PELP1: variants seen among roughly 807,000 people sequenced by gnomAD.
PELP1 encodes the protein proline-, glutamic acid- and leucine-rich protein 1.
Under a neutral mutation model 95.5 loss-of-function variants are expected in PELP1, and 32 were observed. The observed-to-expected ratio is 0.34, with a 90% CI of 0.25 to 0.45. The LOEUF (loss-of-function observed/expected upper bound fraction) is 0.45, where lower values mean the gene tolerates loss of function less well. Among genes scored for constraint, PELP1 ranks in the 20% least tolerant of loss-of-function variants. The probability of loss-of-function intolerance (pLI) is 1.00; values close to 1 mark genes in which losing one functional copy is unlikely to be tolerated. For missense variants in PELP1, 1,358 were observed against 1,444.8 expected (o/e 0.94, Z 0.97); for synonymous variants, 668 against 600.1 (o/e 1.11, Z -1.65).
At position 4,675,582 on chromosome 17, in the gene PELP1, C is replaced by A. The variant is rs1372858787; in HGVS notation, c.1068+215G>T. 7.1e-6 allele frequency: 5 copies of A among 707,442 alleles called. No individual in the cohort carries two copies. The highest frequency in any genetic ancestry group is 2.3e-4 in the Middle Eastern group (1 of 4,368). 43.8% of individuals were successfully genotyped at this position (707,442 alleles called of 1,614,324 possible). On this transcript the variant is annotated intron_variant, in intron 9 of 16. Transcript: ENST00000572293. The surrounding 1 kb of genome is among the most constrained non-coding windows in gnomAD (Gnocchi z 4.3). ...CTCTCAGCAATGACTCAGCTGATCC[C>A]CAAATTCACCCTCCCCCAAGGAAGC... is the stretch of plus-strand genomic sequence containing the variant.
intron 3 of PELP1, 51 bp downstream of exon 3, chr17:4,690,837 G>A: frequency 1.8e-6 from 2 of 1,127,910 alleles, no homozygotes; most frequent in South Asian, 2.5e-5. Flanking sequence ...ATCCAAGATG[G>A]GGAATAAGAT....
At chr17:4,694,701 G>A (rs1203565848) in intron 1 of PELP1, among the ~76,000 whole-genome samples, 6 of 151,560 alleles carry the variant, frequency 4.0e-5, no homozygotes, top group African/African-American at 9.7e-5. Context: ...GGCCGGGCGC[G>A]GTGGCTTACG....
rs756687486 is a variant in PELP1, at chr17:4,703,896, T to C, written c.216A>G (p.Leu72=). 64 of 1,612,934 alleles carry C rather than the reference T, an allele frequency of 4.0e-5. No homozygotes were observed. The Admixed American group carries it at 7.8e-4, about 20-fold the overall frequency. Residue 72 remains leucine (L), a synonymous_variant, in exon 1 of 17, where the codon CTA becomes CTG. Transcript: ENST00000572293. The part of the protein sequence containing the change: ...SAPHLPGLMC[L]LRLHGSVGGA... ...CGCCCACCGACCCATGCAGCCGCAA[T>C]AGGCACATGAGCCCGGGCAAATGTG...
In PELP1 at chr17:4,672,415, T is replaced by A; in HGVS notation, c.2576A>T (p.Gln859Leu). ...ACCAGGAGTCCCTTCAGGGACCAAC[T>A]GGGGTGGAGGGAGCGTCACAGGACC... ...VPGPVTLPPP[Q>L]LVPEGTPGGG... Residue 859 changes from glutamine to leucine, a missense_variant, in exon 16 of 17, where the codon CAG becomes CTG. Physicochemically the swap from Gln to Leu is moderately radical, Grantham distance 113. This residue lies in a region of PELP1 where 340 missense variants were observed against 322.9 expected (regional missense o/e 1.05). Coordinates refer to ENST00000572293, the MANE Select transcript of PELP1 (RefSeq NM_014389.3). 6.4e-7 allele frequency: 1 copy of A among 1,559,842 alleles called. No individual in the cohort carries two copies. Among genetic ancestry groups the A allele is most frequent in the African/African-American group, 1.4e-5 (1 of 73,652 alleles).
At chr17:4,699,678 C>T (rs887845501) in intron 1 of PELP1, among the ~76,000 whole-genome samples, 2 of 151,772 alleles carry the variant, frequency 1.3e-5, no homozygotes, top group African/African-American at 4.8e-5. Flanking sequence ...TGTCTGCCTC[C>T]CAGGCTCAAG....
Position 4,671,031 on chromosome 17 carries a change from T to G in PELP1, c.*408A>C, listed in dbSNP as rs979141473. 4.7e-6 allele frequency: 1 copy of G among 213,622 alleles called. No homozygotes were observed. Among genetic ancestry groups the G allele is most frequent in the Admixed American group, 5.8e-5 (1 of 17,314 alleles). 13.2% of individuals were successfully genotyped at this position (213,622 alleles called of 1,614,324 possible). A position where few individuals can be genotyped will look rare whatever the true frequency, so the allele number is the denominator to read the frequency against. On this transcript the variant is annotated 3_prime_UTR_variant, in exon 17 of 17. Transcript: ENST00000572293. ...TTCAGACCAAGGGGCTGAGCACGCA[T>G]GCGTGTGGGCATGTGGGTGTTGACA...
Position 4,690,769 on chromosome 17 carries a change from T to C in PELP1, c.420+119A>G, listed in dbSNP as rs147520671. On this transcript the variant is annotated intron_variant, in intron 3 of 16. Transcript: ENST00000572293. ...GCTTATCCTCTCTGCTATCAGGGAA[T>C]TGTTTCCAATTATTCTGTCCCCAGA... The C allele has an allele frequency of 1.9e-3, 1,236 of 647,056 alleles. 2 individuals carry two copies. The highest frequency in any genetic ancestry group is 2.9e-3 in the Non-Finnish European group (1,047 of 364,412). 40.1% of individuals were successfully genotyped at this position (647,056 alleles called of 1,614,324 possible).
chr17:4,700,992 T>TAAAAAAAAAAAA (rs34278447), intron 1 of PELP1, among the ~76,000 whole-genome samples: 1 of 29,410 alleles, frequency 3.4e-5, no homozygotes, highest in East Asian at 1.4e-3. Flanking sequence ...AAAGTTCCAC[T>TAAAAAAAAAAAA]AAAAAAAAAA....
chr17:4,690,038 G>A (rs1434611289), intron 3 of PELP1, among the ~76,000 whole-genome samples: 1 of 151,958 alleles, frequency 6.6e-6, no homozygotes, highest in Non-Finnish European at 1.5e-5. Context: ...GAGAGACAGA[G>A]ACAGAGAGAG....
At chr17:4,693,739 C>T (rs754816697) in intron 1 of PELP1, among the ~76,000 whole-genome samples, 12 of 152,148 alleles carry the variant, frequency 7.9e-5, no homozygotes, top group Admixed American at 3.9e-4. Context: ...CCTCGAGAGT[C>T]CATCACGCTG....
intron 5 of PELP1, among the ~76,000 whole-genome samples, chr17:4,680,657 C>T (rs1172113272): frequency 6.6e-6 from 1 of 152,202 alleles, no homozygotes; most frequent in Non-Finnish European, 1.5e-5. Flanking sequence ...CAGTTAACTC[C>T]ACCAGTTAAA....
intron 1 of PELP1, chr17:4,696,881 AC>A (rs1300749881): frequency 2.0e-5 from 3 of 152,268 alleles, no homozygotes; most frequent in Non-Finnish European, 4.4e-5. Flanking sequence ...GCTGCCATTC[AC>A]CGAGAAGGGA....
At chr17:4,682,040 G>A (rs1355520472) in intron 5 of PELP1, among the ~76,000 whole-genome samples, 1 of 152,040 alleles carries the variant, frequency 6.6e-6, no homozygotes, top group East Asian at 1.9e-4. Context: ...ACACGCCTTA[G>A]TCCCAGCTAC....
At chr17:4,685,792 T>TAAAAAAAAAAAAAAAAAAAA in intron 3 of PELP1, among the ~76,000 whole-genome samples, 1 of 119,590 alleles carries the variant, frequency 8.4e-6, no homozygotes, top group East Asian at 2.7e-4. Context: ...AACCATGTCT[T>TAAAAAAAAAAAAAAAAAAAA]AAAAAAAAAA....
Position 4,674,877 on chromosome 17 carries a change from C to T in PELP1, c.1354G>A (p.Gly452Arg). The change falls in exon 12 of 17, where the codon GGA becomes AGA. Residue 452 changes from glycine (G) to arginine (R), a missense_variant. Gly to Arg is a moderately radical substitution (Grantham distance 125). Coordinates refer to ENST00000572293, the MANE Select transcript of PELP1 (RefSeq NM_014389.3). ...GTGAGCAGGGCCTCTCCAGAGGCTC[C>T]TCCCTGAAGCATTCCCGCCGAGGCC... ...CGASAGMLQG[G>R]ASGEALLTHL... 6.2e-7 allele frequency: 1 copy of T among 1,613,678 alleles called. No individual in the cohort carries two copies. The highest frequency in any genetic ancestry group is 2.2e-5 in the East Asian group (1 of 44,856).
chr17:4,677,908 C>A (rs1304424267), intron 5 of PELP1, among the ~76,000 whole-genome samples: 1 of 149,096 alleles, frequency 6.7e-6, no homozygotes, highest in African/African-American at 2.5e-5. Flanking sequence ...GAGAGTGAGA[C>A]CCTGTCTCAA....
chr17:4,702,912 G>A (rs1913601369), intron 1 of PELP1, among the ~76,000 whole-genome samples: 1 of 152,100 alleles, frequency 6.6e-6, no homozygotes, highest in Admixed American at 6.6e-5. Flanking sequence ...AAGATGGTGG[G>A]GGTTCAAGCT....
At chr17:4,684,438 T>C (rs1912833566) in intron 3 of PELP1, among the ~76,000 whole-genome samples, 1 of 152,162 alleles carries the variant, frequency 6.6e-6, no homozygotes, top group Non-Finnish European at 1.5e-5. Context: ...ACCAACCTAA[T>C]AAAACAGCCT....
chr17:4,682,102 G>A (rs1158589747), intron 5 of PELP1, among the ~76,000 whole-genome samples: 1 of 152,194 alleles, frequency 6.6e-6, no homozygotes, highest in African/African-American at 2.4e-5. Context: ...CAAGGCTACA[G>A]TGAGCCAAGT....
Sources: allele counts gnomAD v4.1 joint callset (sites outside exome capture counted in the v4.1 genomes callset), GRCh38; gene constraint gnomAD v4.1.1; regional missense constraint gnomAD v4.1.1; non-coding constraint Gnocchi (gnomAD v3.1); transcripts MANE v1.5; gene names NCBI Gene and HGNC (gene_info 2026-07-23, HGNC 2026-07-21).